FRMD3: variants seen among roughly 807,000 people sequenced by gnomAD.
FRMD3 encodes the protein FERM domain-containing protein 3.
In FRMD3, 33 loss-of-function variants were observed where a neutral mutation model predicts 70.2. The observed-to-expected ratio is 0.47, with a 90% CI of 0.36 to 0.63. The LOEUF (loss-of-function observed/expected upper bound fraction) is 0.63. Ranked by LOEUF, FRMD3 falls within the 20% of genes least tolerant of loss-of-function variation. The probability of loss-of-function intolerance (pLI) is 0.00; values close to 1 mark genes in which losing one functional copy is unlikely to be tolerated. For synonymous variants in FRMD3, 279 were observed against 255.9 expected, an observed-to-expected ratio of 1.09 and a Z score of -0.86; for missense variants, 632 against 711.4, an observed-to-expected ratio of 0.89 and a Z score of 1.27.
At chr9:83,243,530 T>C (rs1270149232), downstream of FRMD3, among the ~76,000 whole-genome samples, 1 of 152,164 alleles carries the variant, frequency 6.6e-6, no homozygotes, top group African/African-American at 2.4e-5. Context: ...AACTGCTCAG[T>C]GAGTAAGTGG....
intron 6 of FRMD3, among the ~76,000 whole-genome samples, chr9:83,335,187 T>G (rs1823535349): frequency 6.6e-6 from 1 of 152,134 alleles, no homozygotes; most frequent in Non-Finnish European, 1.5e-5. Context: ...AACACAAAAT[T>G]CAAATCAGAA....
chr9:83,447,684 C>A (rs1036949061), intron 1 of FRMD3, among the ~76,000 whole-genome samples: 3 of 152,088 alleles, frequency 2.0e-5, no homozygotes, highest in Non-Finnish European at 4.4e-5. Context: ...TTGTTACCAT[C>A]GGCAATGGAG....
chr9:83,252,279 T>C (rs1422723107), intron 13 of FRMD3, among the ~76,000 whole-genome samples: 1 of 152,152 alleles, frequency 6.6e-6, no homozygotes, highest in East Asian at 1.9e-4. Context: ...CTAAGCTTCA[T>C]AAGTGAAGGA....
chr9:83,357,855 T>C (rs144553310), intron 3 of FRMD3, among the ~76,000 whole-genome samples: 232 of 152,344 alleles, frequency 1.5e-3, no homozygotes, highest in African/African-American at 5.4e-3. Context: ...TTGTGAAGAT[T>C]GTCTCCCACT....
At chr9:83,550,960 C>A in the FRMD3 span, among the ~76,000 whole-genome samples, 1 of 152,020 alleles carries the variant, frequency 6.6e-6, no homozygotes, top group Non-Finnish European at 1.5e-5. Context: ...TATTTGTACA[C>A]CCTTTATTTC....
chr9:83,515,168 C>T (rs533392733), intron 1 of FRMD3, among the ~76,000 whole-genome samples: 2 of 152,228 alleles, frequency 1.3e-5, no homozygotes, highest in Admixed American at 1.3e-4. Flanking sequence ...ATAACAAACT[C>T]CTCTGAGCTA....
chr9:83,299,039 G>T, intron 11 of FRMD3, 73 bp downstream of exon 11: 1 of 1,167,936 alleles, frequency 8.6e-7, no homozygotes, highest in Non-Finnish European at 1.3e-6. Context: ...CCACTTATTT[G>T]CAAGCAGAAT....
the FRMD3 span, among the ~76,000 whole-genome samples, chr9:83,570,769 C>T: frequency 6.6e-6 from 1 of 152,120 alleles, no homozygotes; most frequent in Non-Finnish European, 1.5e-5. Context: ...GTGTTGAGAA[C>T]ACATGAAGAG....
At chr9:83,417,088 T>C (rs1204495592) in intron 1 of FRMD3, among the ~76,000 whole-genome samples, 4 of 152,162 alleles carry the variant, frequency 2.6e-5, no homozygotes, top group Non-Finnish European at 5.9e-5. Flanking sequence ...ACTTGAACAA[T>C]AGAGCATTGA....
intron 5 of FRMD3, among the ~76,000 whole-genome samples, chr9:83,338,601 T>C (rs1564023206): frequency 6.6e-6 from 1 of 152,266 alleles, no homozygotes. Context: ...AAAAGCAGTG[T>C]TCTGAGCGTA....
chr9:83,513,043 G>A (rs1829373691), intron 1 of FRMD3, among the ~76,000 whole-genome samples: 1 of 152,150 alleles, frequency 6.6e-6, no homozygotes, highest in Non-Finnish European at 1.5e-5. Flanking sequence ...GCAAATACAA[G>A]CCCACCAGAG....
downstream of FRMD3, chr9:83,243,319 A>G: frequency 8.4e-7 from 1 of 1,192,970 alleles, no homozygotes; most frequent in Non-Finnish European, 1.2e-6. Context: ...TCCACCCTGT[A>G]GAGAGTGGCC....
At chr9:83,313,009 T>G (rs1357847710) in intron 7 of FRMD3, among the ~76,000 whole-genome samples, 1 of 152,240 alleles carries the variant, frequency 6.6e-6, no homozygotes. Flanking sequence ...TTAGGACTAG[T>G]GTCTGGCTGA....
At chr9:83,343,424 T>C in intron 4 of FRMD3, 137 bp from the exon 5 acceptor site, 1 of 627,108 alleles carries the variant, frequency 1.6e-6, no homozygotes, top group East Asian at 2.8e-5. Context: ...CCCAGCCCTT[T>C]GTAGAACAAG....
At chr9:83,473,227 C>A (rs1435299186) in intron 1 of FRMD3, among the ~76,000 whole-genome samples, 2 of 152,286 alleles carry the variant, frequency 1.3e-5, no homozygotes, top group African/African-American at 4.8e-5. Context: ...CCTGGCCCAC[C>A]TTGCCTCTTC....
intron 10 of FRMD3, among the ~76,000 whole-genome samples, chr9:83,302,526 G>A (rs533766649): frequency 6.6e-6 from 1 of 152,070 alleles, no homozygotes; most frequent in Non-Finnish European, 1.5e-5. Flanking sequence ...TCTCAGGAGG[G>A]TTACACAAGA....
At chr9:83,306,889 AATAG>A (rs141140174) in intron 10 of FRMD3, among the ~76,000 whole-genome samples, 1,704 of 152,270 alleles carry the variant, frequency 0.011, 30 homozygotes, top group African/African-American at 0.039. Flanking sequence ...AATGTTTGGA[AATAG>A]ATAGAAATGA....
intron 1 of FRMD3, among the ~76,000 whole-genome samples, chr9:83,432,259 A>G (rs1587847067): frequency 6.6e-6 from 1 of 152,124 alleles, no homozygotes; most frequent in South Asian, 2.1e-4. Context: ...TTTAAGTGCA[A>G]TCTCCTCCAT....
chr9:83,438,687 A>G (rs1486285529), intron 1 of FRMD3, among the ~76,000 whole-genome samples: 1 of 152,236 alleles, frequency 6.6e-6, no homozygotes, highest in African/African-American at 2.4e-5. Flanking sequence ...GGCGTGAGCC[A>G]CCGCATCCAG....
Sources: gnomAD v4.1 joint callset for allele counts (sites outside exome capture counted in the v4.1 genomes callset) on GRCh38, gnomAD v4.1.1 for gene constraint, MANE v1.5 for transcripts, NCBI Gene and HGNC (gene_info 2026-07-23, HGNC 2026-07-21) for gene names.